Variants in GYG2 observed in about 807,000 individuals in gnomAD.
GYG2 encodes glycogenin-2.
In GYG2, 29 loss-of-function variants were observed where a neutral mutation model predicts 29.4. The observed-to-expected ratio is 0.99, with a 90% CI of 0.74 to 1.35. GYG2 has a LOEUF of 1.35. GYG2 is among the 40% of genes most tolerant of loss of function. The pLI, the probability that GYG2 is intolerant of heterozygous loss-of-function variation, is 0.00. For synonymous variants in GYG2, 167 were observed against 172.3 expected, an observed-to-expected ratio of 0.97 and a Z score of 0.24; for missense variants, 370 against 385.7, an observed-to-expected ratio of 0.96 and a Z score of 0.34.
rs750361673 is a variant in GYG2, at chrX:2,843,044, G to A, written c.8-169G>A. On this transcript the variant is annotated intron_variant, in intron 2 of 10. Coordinates refer to ENST00000398806, the MANE Select transcript of GYG2 (RefSeq NM_001079855.2). ...CCCAGGCTGGTCTCGAACTCCTGAG[G>A]TCAAGCAATTCACCCACCTCAGCCT... 1.5e-4 allele frequency: 75 copies of A among 513,325 alleles called. 1 individual carries two copies. The highest frequency in any genetic ancestry group is 7.4e-5 in the Non-Finnish European group (21 of 285,677). The allele number at this position is 513,325 out of a possible 1,213,427, so 42.3% of individuals were successfully genotyped here. A position where few individuals can be genotyped will look rare whatever the true frequency, so the allele number is the denominator to read the frequency against.
chrX:2,857,841 A>G (rs184586413), intron 6 of GYG2, among the ~76,000 whole-genome samples: 136 of 110,748 alleles, frequency 1.2e-3, no homozygotes, highest in African/African-American at 4.3e-3. Flanking sequence ...AACTACTTTA[A>G]AAAAAGAATT....
chrX:2,841,086 A>G lies in GYG2; in HGVS notation c.8-2127A>G, dbSNP rs143044086. Among the ~76,000 whole-genome samples, 329 of 110,700 alleles carry G rather than the reference A, an allele frequency of 3.0e-3. 1 individual carries two copies. Among genetic ancestry groups the G allele is most frequent in the African/African-American group, 0.01 (308 of 30,490 alleles). On this transcript the variant is annotated intron_variant, in intron 2 of 10. Transcript: ENST00000398806. The stretch of plus-strand genomic sequence containing the variant: ...TAAGATAGATAATAGATGTACAGAG[A>G]ATTGGTAGATGATGGATGGATGGAT...
intron 2 of GYG2, among the ~76,000 whole-genome samples, chrX:2,837,907 T>G (rs964425026): frequency 3.6e-5 from 4 of 110,081 alleles, no homozygotes; most frequent in African/African-American, 1.3e-4. Context: ...AAGACAGGGC[T>G]CTGCTCTGTA....
At chrX:2,854,897 A>C in intron 4 of GYG2, 96 bp from the exon 5 acceptor site, 1 of 1,001,895 alleles carries the variant, frequency 1.0e-6, no homozygotes, top group Non-Finnish European at 1.4e-6. Context: ...GAAGCACTGC[A>C]CTCCAGCCTG....
At chrX:2,846,110 A>C (rs1358833066) in intron 3 of GYG2, among the ~76,000 whole-genome samples, 1 of 75,129 alleles carries the variant, frequency 1.3e-5, no homozygotes, top group African/African-American at 5.7e-5. Flanking sequence ...TCTGTCGTCC[A>C]AGCTGGAGTG....
chrX:2,877,027 C>G (rs1269344603), intron 9 of GYG2, among the ~76,000 whole-genome samples, 173 bp from the exon 10 acceptor site: 1 of 110,446 alleles, frequency 9.1e-6, no homozygotes, highest in Non-Finnish European at 1.9e-5. Context: ...AGGCAATCCT[C>G]CTGCCTTGGC....
chrX:2,840,621 T>C (rs1160837768), intron 2 of GYG2, among the ~76,000 whole-genome samples: 1 of 111,483 alleles, frequency 9.0e-6, no homozygotes, highest in Non-Finnish European at 1.9e-5. Flanking sequence ...AGGTAGATGA[T>C]TGAAAGATTG....
chrX:2,868,723 G>T (rs1361533401), intron 8 of GYG2, among the ~76,000 whole-genome samples: 2 of 110,696 alleles, frequency 1.8e-5, no homozygotes, highest in Non-Finnish European at 3.8e-5. Context: ...TAATGCATGC[G>T]GGGCTTAAAA....
chrX:2,880,734 C>A (rs1469264743), intron 10 of GYG2, among the ~76,000 whole-genome samples: 1 of 110,185 alleles, frequency 9.1e-6, no homozygotes, highest in Non-Finnish European at 1.9e-5. Flanking sequence ...ATAATGAGAC[C>A]CCATCTGTGC....
chrX:2,843,681 G>A (rs2087557407), intron 3 of GYG2, among the ~76,000 whole-genome samples: 1 of 112,106 alleles, frequency 8.9e-6, no homozygotes, highest in South Asian at 3.8e-4. Context: ...CCAGGCTGGA[G>A]TACAGTGGTA....
At position 2,881,246 on chromosome X, in the gene GYG2, A is replaced by T; in HGVS notation, c.*33A>T. ...GCTGGTGGGCGTTGTGTGTAGTTAG[A>T]CAATGTCCTGTTGGGTGGTCCTGTT... On this transcript the variant is annotated 3_prime_UTR_variant, in exon 11 of 11. Transcript: ENST00000398806. 4 of 1,118,639 alleles carry T rather than the reference A, an allele frequency of 3.6e-6. No individual in the cohort carries two copies. Among genetic ancestry groups the T allele is most frequent in the Non-Finnish European group, 4.8e-6 (4 of 836,652 alleles). The allele number at this position is 1,118,639 out of a possible 1,213,427, so 92.2% of individuals were successfully genotyped here. A position where few individuals can be genotyped will look rare whatever the true frequency, so the allele number is the denominator to read the frequency against.
Position 2,867,286 on chromosome X carries a change from C to T in GYG2, c.1038+5564C>T, listed in dbSNP as rs762748942. ...TCCCTCCACCCCACTGTCATGCCCA[C>T]GCTTAGGCTTCAAAACATCAATGGA... On this transcript the variant is annotated intron_variant, in intron 8 of 10. Coordinates refer to ENST00000398806, the MANE Select transcript of GYG2 (RefSeq NM_001079855.2). 3.6e-4 allele frequency among the ~76,000 whole-genome samples: 16 copies of T among 43,909 alleles called. No individual in the cohort carries two copies. The South Asian group carries it at 0.014, about 39-fold the overall frequency. The allele number at this position is 43,909 out of a possible 115,157, so 38.1% of individuals were successfully genotyped here.
chrX:2,868,778 G>C (rs938702293), intron 8 of GYG2, among the ~76,000 whole-genome samples: 1 of 110,828 alleles, frequency 9.0e-6, no homozygotes, highest in Non-Finnish European at 1.9e-5. Flanking sequence ...CATGGCACAC[G>C]TATACCCGTG....
chrX:2,866,970 A>G (rs1211909113), intron 8 of GYG2, among the ~76,000 whole-genome samples: 1 of 110,654 alleles, frequency 9.0e-6, no homozygotes, highest in Non-Finnish European at 1.9e-5. Context: ...GGAGGGTGGG[A>G]AAAAAATCTC....
At chrX:2,868,072 G>T (rs1356637676) in intron 8 of GYG2, among the ~76,000 whole-genome samples, 1 of 110,805 alleles carries the variant, frequency 9.0e-6, no homozygotes, top group Non-Finnish European at 1.9e-5. Flanking sequence ...CTCCAGCCTG[G>T]GTGACAGAGC....
At chrX:2,879,405 C>T (rs1253233477) in intron 10 of GYG2, among the ~76,000 whole-genome samples, 2 of 109,219 alleles carry the variant, frequency 1.8e-5, no homozygotes, top group South Asian at 4.0e-4. Flanking sequence ...GTAGCTGGGA[C>T]TACAGTCACC....
At chrX:2,876,573 A>C (rs1404416154) in intron 9 of GYG2, among the ~76,000 whole-genome samples, 1 of 111,881 alleles carries the variant, frequency 8.9e-6, no homozygotes, top group African/African-American at 3.3e-5. Flanking sequence ...ATGGCTCAGA[A>C]AAAGTGAGGG....
chrX:2,856,047 C>T (rs748021583), intron 5 of GYG2, among the ~76,000 whole-genome samples: 107 of 112,035 alleles, frequency 9.6e-4, no homozygotes, highest in African/African-American at 3.2e-3. Flanking sequence ...AACCTGAAGC[C>T]GAGTATTTGT....
At chrX:2,862,972 A>T (rs1391950721) in intron 8 of GYG2, among the ~76,000 whole-genome samples, 2 of 109,912 alleles carry the variant, frequency 1.8e-5, no homozygotes, top group African/African-American at 6.6e-5. Flanking sequence ...AGGCAGGAGG[A>T]ATGCTTGAGC....
Sources: gnomAD v4.1 joint callset for allele counts (sites outside exome capture counted in the v4.1 genomes callset) on GRCh38, gnomAD v4.1.1 for gene constraint, MANE v1.5 for transcripts, NCBI Gene and HGNC (gene_info 2026-07-23, HGNC 2026-07-21) for gene names.